Variants in ZNF654 observed in about 807,000 individuals in gnomAD.
ZNF654 encodes melanoma-associated antigen.
ZNF654 carries 19 observed loss-of-function variants against 95.3 expected under a neutral mutation model. The observed-to-expected ratio is 0.20, with a 90% confidence interval of 0.14 to 0.29. The LOEUF (loss-of-function observed/expected upper bound fraction) is 0.29. Ranked by LOEUF, ZNF654 falls within the 10% of genes least tolerant of loss-of-function variation. ZNF654 has a pLI of 1.00. For synonymous variants in ZNF654, 413 were observed against 457.9 expected (o/e 0.90, Z 1.25); for missense variants, 1,046 against 1,341.0 (o/e 0.78, Z 3.44).
chr3:88,124,759 T>C (rs1164754047), intron 3 of ZNF654, among the ~76,000 whole-genome samples: 1 of 131,762 alleles, frequency 7.6e-6, no homozygotes, highest in Non-Finnish European at 1.6e-5. Flanking sequence ...TTTTGATTGA[T>C]GTACAATACT....
At chr3:88,105,943 T>G (rs754750772) in intron 2 of ZNF654, among the ~76,000 whole-genome samples, 1 of 152,156 alleles carries the variant, frequency 6.6e-6, no homozygotes, top group Non-Finnish European at 1.5e-5. Flanking sequence ...AAGGGTGAAT[T>G]TGGCCTCTTT....
chr3:88,065,537 C>G (rs1343791866), intron 1 of ZNF654, among the ~76,000 whole-genome samples: 1 of 152,010 alleles, frequency 6.6e-6, no homozygotes, highest in Admixed American at 6.6e-5. Context: ...GTGATTTCAC[C>G]TTTGTAAATA....
chr3:88,101,385 T>C lies in ZNF654; in HGVS notation c.333-11730T>C, dbSNP rs539334353. ...AATGATATCATAGAATATGTAGTAT[T>C]TTGGATACTTTCACTTAGAGCAAGT... On this transcript the variant is annotated intron_variant, in intron 2 of 8. Transcript: ENST00000636215. Among the ~76,000 whole-genome samples the C allele has an allele frequency of 1.8e-4, 28 of 152,294 alleles. No homozygotes were observed. The South Asian group carries it at 5.6e-3, about 30-fold the overall frequency.
intron 2 of ZNF654, among the ~76,000 whole-genome samples, chr3:88,112,023 T>G (rs996132594): frequency 6.6e-6 from 1 of 151,924 alleles, no homozygotes; most frequent in Non-Finnish European, 1.5e-5. Context: ...CTAGAAGCAT[T>G]TAAATTAAGG....
intron 2 of ZNF654, among the ~76,000 whole-genome samples, chr3:88,087,179 A>G (rs1348497687): frequency 6.6e-6 from 1 of 152,086 alleles, no homozygotes; most frequent in Non-Finnish European, 1.5e-5. Context: ...CCCAGGTTCA[A>G]GTGATTCTCA....
In ZNF654 at chr3:88,113,205, CA is replaced by C; in HGVS notation, c.414+10del. ...TTCTTGGATCATTCCAGGTAAAAAA[CA>C]GTTTACTACTTCACACTTTGTCTAC... On this transcript the variant is annotated intron_variant, in intron 3 of 8. Transcript: ENST00000636215. The C allele has an allele frequency of 6.7e-6, 10 of 1,501,268 alleles. No homozygotes were observed. The highest frequency in any genetic ancestry group is 8.9e-6 in the Non-Finnish European group (10 of 1,117,332). The allele number at this position is 1,501,268 out of a possible 1,614,324, so 93.0% of individuals were successfully genotyped here.
rs558573869 is a variant in ZNF654 at position 88,080,170 on chromosome 3, C to T, written c.187-6087C>T. 3.7e-4 allele frequency among the ~76,000 whole-genome samples: 56 copies of T among 152,064 alleles called. No homozygotes were observed. The South Asian group carries it at 0.011, about 29-fold the overall frequency. ...TATGCATTGTTTGTCAGATGAGCAT[C>T]GAACTAAATAGCTGAAACTCAGCAG... On this transcript the variant is annotated intron_variant, in intron 1 of 8. Transcript: ENST00000636215.
intron 1 of ZNF654, among the ~76,000 whole-genome samples, chr3:88,073,612 A>G (rs748514462): frequency 1.2e-4 from 18 of 152,232 alleles, no homozygotes; most frequent in Non-Finnish European, 2.1e-4. Flanking sequence ...AAAGAATTCT[A>G]TGAAATTATA....
At chr3:88,064,841 C>T (rs1707105032) in intron 1 of ZNF654, among the ~76,000 whole-genome samples, 3 of 152,160 alleles carry the variant, frequency 2.0e-5, no homozygotes, top group Admixed American at 6.5e-5. Flanking sequence ...AACTAGAAGT[C>T]TCAAATTAGT....
At chr3:88,117,286 T>TC (rs1167968637) in intron 3 of ZNF654, among the ~76,000 whole-genome samples, 1 of 152,168 alleles carries the variant, frequency 6.6e-6, no homozygotes, top group African/African-American at 2.4e-5. Flanking sequence ...TAAAGGAAAG[T>TC]TCCTGAAAAT....
intron 2 of ZNF654, among the ~76,000 whole-genome samples, chr3:88,089,978 T>C (rs979240288): frequency 4.6e-5 from 7 of 152,228 alleles, no homozygotes; most frequent in African/African-American, 1.7e-4. Context: ...CAACACATTA[T>C]TCATGCTTGT....
chr3:88,085,648 C>G (rs1279471847), intron 1 of ZNF654, among the ~76,000 whole-genome samples: 2 of 152,130 alleles, frequency 1.3e-5, no homozygotes, highest in Non-Finnish European at 2.9e-5. Flanking sequence ...ATTGTCATCT[C>G]CATTTTATGG....
chr3:88,105,905 C>A (rs1464978806), intron 2 of ZNF654, among the ~76,000 whole-genome samples: 1 of 152,186 alleles, frequency 6.6e-6, no homozygotes, highest in Non-Finnish European at 1.5e-5. Flanking sequence ...AGGGCCTGCC[C>A]TCACAGGTGG....
chr3:88,064,996 A>C (rs1480303517), intron 1 of ZNF654, among the ~76,000 whole-genome samples: 1 of 152,234 alleles, frequency 6.6e-6, no homozygotes, highest in Non-Finnish European at 1.5e-5. Context: ...ATTTAATTGC[A>C]CTGATAATTT....
rs761188196 is a variant in ZNF654, at chr3:88,059,281, C to G, written c.-39C>G. ...GCCTAGGCATCTACGGCGGCGGCGG[C>G]GGCGCAGGGGCTGGTACGCGCTGGG... is the stretch of plus-strand genomic sequence containing the variant. On this transcript the variant is annotated 5_prime_UTR_variant, in exon 1 of 9. Coordinates refer to ENST00000636215, the MANE Select transcript of ZNF654 (RefSeq NM_001350134.2). 1.3e-6 allele frequency: 2 copies of G among 1,532,222 alleles called. No individual in the cohort carries two copies. Among genetic ancestry groups the G allele is most frequent in the South Asian group, 1.2e-5 (1 of 83,832 alleles). 94.9% of individuals were successfully genotyped at this position (1,532,222 alleles called of 1,614,324 possible).
intron 2 of ZNF654, among the ~76,000 whole-genome samples, chr3:88,092,625 T>C (rs973318717): frequency 3.9e-5 from 6 of 152,230 alleles, no homozygotes; most frequent in African/African-American, 1.4e-4. Context: ...TTTTTACAGT[T>C]CTTTTGATTT....
chr3:88,092,637 C>T (rs1026200441), intron 2 of ZNF654, among the ~76,000 whole-genome samples: 3 of 152,100 alleles, frequency 2.0e-5, no homozygotes, highest in African/African-American at 7.2e-5. Flanking sequence ...TTTTGATTTA[C>T]ATCATGACTT....
intron 7 of ZNF654, chr3:88,135,563 A>G (rs1706727064): frequency 6.4e-6 from 1 of 156,188 alleles, no homozygotes; most frequent in Admixed American, 6.5e-5. Flanking sequence ...AGAGAAACTT[A>G]GTTCCAGTTT....
chr3:88,129,556 C>T lies in ZNF654; in HGVS notation c.754-131C>T, dbSNP rs1198909573. 1.3e-5 allele frequency: 9 copies of T among 689,846 alleles called. No homozygotes were observed. The East Asian group carries it at 1.9e-4, about 15-fold the overall frequency. 42.7% of individuals were successfully genotyped at this position (689,846 alleles called of 1,614,324 possible). A position where few individuals can be genotyped will look rare whatever the true frequency, so the allele number is the denominator to read the frequency against. ...ATGAAACCATGAAAATATTTCTGTA[C>T]AAGTCATCATTGTCTTTGTAGAAGA... On this transcript the variant is annotated intron_variant, in intron 5 of 8. Coordinates refer to ENST00000636215, the MANE Select transcript of ZNF654 (RefSeq NM_001350134.2).
Sources: gnomAD v4.1 joint callset for allele counts (sites outside exome capture counted in the v4.1 genomes callset) on GRCh38, gnomAD v4.1.1 for gene constraint, MANE v1.5 for transcripts, NCBI Gene and HGNC (gene_info 2026-07-23, HGNC 2026-07-21) for gene names.